ABCA10: variants seen among roughly 807,000 people sequenced by gnomAD.
ABCA10 encodes ATP-binding cassette sub-family A member 10.
A neutral mutation model predicts 187.5 loss-of-function variants in ABCA10; 169 were observed. The observed-to-expected ratio is 0.90, with a 90% CI of 0.80 to 1.02. ABCA10 has a LOEUF of 1.02. Ranked by LOEUF, ABCA10 falls within the 50% of genes least tolerant of loss-of-function variation. ABCA10 has a pLI of 0.00. For missense variants in ABCA10, 1,727 were observed against 1,812.4 expected, an observed-to-expected ratio of 0.95 and a Z score of 0.86; for synonymous variants, 574 against 601.8, an observed-to-expected ratio of 0.95 and a Z score of 0.68.
chr17:69,167,388 T>C (rs573623215), intron 25 of ABCA10, among the ~76,000 whole-genome samples: 7 of 152,200 alleles, frequency 4.6e-5, no homozygotes, highest in Non-Finnish European at 8.8e-5. Context: ...GGAGATGCCA[T>C]TGTTATAGAA....
chr17:69,182,265 T>G lies in ABCA10; in HGVS notation c.2657A>C (p.Asn886Thr), dbSNP rs921330231. The change falls in exon 22 of 39, where the codon AAT becomes ACT. Residue 886 changes from asparagine (N) to threonine (T), a missense_variant. Physicochemically the swap from Asn to Thr is moderately conservative, Grantham distance 65. Transcript: ENST00000690296. ...AGGAAAACAATTCAATTTCTTGGTA[T>G]TACACGCAACAGAAAATCTGTAATC... is the stretch of plus-strand genomic sequence containing the variant. The part of the protein sequence containing the change: ...QKDYRFSVAC[N>T]TKKLNCFPVL... 3.2e-6 allele frequency: 5 copies of G among 1,573,150 alleles called. No individual in the cohort carries two copies. The highest frequency in any genetic ancestry group is 4.3e-6 in the Non-Finnish European group (5 of 1,159,536).
upstream of ABCA10, among the ~76,000 whole-genome samples, chr17:69,232,397 A>G (rs1308131348): frequency 6.6e-6 from 1 of 151,974 alleles, no homozygotes; most frequent in African/African-American, 2.4e-5. Context: ...TATATCTATT[A>G]TAGGTTTTTG....
At position 69,183,320 on chromosome 17, in the gene ABCA10, C is replaced by A. The variant is rs137964829; in HGVS notation, c.2498-512G>T. ...AGTTAACTTGATATTTGCCATTGTG[C>A]CCATTATTTTTCTTGACTTGATTTC... On this transcript the variant is annotated intron_variant, in intron 20 of 38. Coordinates refer to ENST00000690296, the MANE Select transcript of ABCA10 (RefSeq NM_001377321.1). Among the ~76,000 whole-genome samples, 375 of 152,182 alleles carry A rather than the reference C, an allele frequency of 2.5e-3. 3 individuals are homozygous for A. The highest frequency in any genetic ancestry group is 8.7e-3 in the African/African-American group (362 of 41,506).
At chr17:69,201,428 A>G (rs1349728653) in intron 10 of ABCA10, 72 bp downstream of exon 10, 1 of 1,288,112 alleles carries the variant, frequency 7.8e-7, no homozygotes, top group East Asian at 2.5e-5. Context: ...ATCTATATCA[A>G]CATTTGACCT....
intron 1 of ABCA10, among the ~76,000 whole-genome samples, chr17:69,227,507 A>G (rs1441088162): frequency 1.3e-5 from 2 of 151,958 alleles, no homozygotes; most frequent in Admixed American, 6.6e-5. Flanking sequence ...TAAAGGAGAT[A>G]GTATATAAGA....
intron 6 of ABCA10, among the ~76,000 whole-genome samples, chr17:69,216,705 T>A (rs867362505): frequency 2.6e-5 from 4 of 152,102 alleles, no homozygotes; most frequent in Admixed American, 6.5e-5. Context: ...TATACTTTTA[T>A]TCTTTCAGTT....
At chr17:69,159,926 T>C (rs1299921646) in intron 27 of ABCA10, among the ~76,000 whole-genome samples, 1 of 152,068 alleles carries the variant, frequency 6.6e-6, no homozygotes, top group Non-Finnish European at 1.5e-5. Flanking sequence ...CAAATAGTGC[T>C]AAGAAAACTG....
rs564120842 is a variant in ABCA10, at chr17:69,157,544, T to G, written c.3364-621A>C. ...TTTTACACAGACTTGGAGCCCAAAT[T>G]CACATCGCTGGATGGTCAAAACAAA... On this transcript the variant is annotated intron_variant, in intron 27 of 38. Coordinates refer to ENST00000690296, the MANE Select transcript of ABCA10 (RefSeq NM_001377321.1). Among the ~76,000 whole-genome samples, 3 of 152,252 alleles carry G rather than the reference T, an allele frequency of 2.0e-5. No individual in the cohort carries two copies. The East Asian group carries it at 5.8e-4, about 29-fold the overall frequency.
At chr17:69,188,166 C>A (rs2074436273) in intron 18 of ABCA10, among the ~76,000 whole-genome samples, 1 of 152,098 alleles carries the variant, frequency 6.6e-6, no homozygotes, top group Admixed American at 6.6e-5. Flanking sequence ...TTTTGCAGAG[C>A]AAGTTTTATG....
rs1290514256 is a variant in ABCA10, at chr17:69,174,407, A to T, written c.3049-13T>A. 6.4e-7 allele frequency: 1 copy of T among 1,563,380 alleles called. No homozygotes were observed. Among genetic ancestry groups the T allele is most frequent in the Non-Finnish European group, 8.7e-7 (1 of 1,150,194 alleles). On this transcript the variant is annotated splice_polypyrimidine_tract_variant and intron_variant, in intron 24 of 38. Coordinates refer to ENST00000690296, the MANE Select transcript of ABCA10 (RefSeq NM_001377321.1). Reference sequence around the variant, plus strand: ...TTATGCATACCACCTGCAAATAATGAGGATCAATGGCAAGATTAGAAATGG... The same window carrying T: ...TTATGCATACCACCTGCAAATAATGTGGATCAATGGCAAGATTAGAAATGG...
In ABCA10 at chr17:69,211,260, T is replaced by C. The variant is rs542060082; in HGVS notation, c.1006+3444A>G. ...ATGCCATTATTTCATTCCTTTTTAA[T>C]GGCTGAGTAGTATCCTATGGTATAT... On this transcript the variant is annotated intron_variant, in intron 9 of 38. Coordinates refer to ENST00000690296, the MANE Select transcript of ABCA10 (RefSeq NM_001377321.1). 9.0e-4 allele frequency among the ~76,000 whole-genome samples: 132 copies of C among 146,734 alleles called. 1 individual carries two copies. Among genetic ancestry groups the C allele is most frequent in the Non-Finnish European group, 1.7e-3 (111 of 66,932 alleles).
chr17:69,187,419 C>T (rs1568060928), intron 19 of ABCA10, among the ~76,000 whole-genome samples: 1 of 152,116 alleles, frequency 6.6e-6, no homozygotes, highest in Non-Finnish European at 1.5e-5. Context: ...AAAGTCAGCA[C>T]AGGGAGACAG....
chr17:69,154,228 C>T lies in ABCA10; in HGVS notation c.3786+7G>A, dbSNP rs1391007848. The T allele has an allele frequency of 2.5e-6, 4 of 1,599,442 alleles. No homozygotes were observed. The highest frequency in any genetic ancestry group is 3.4e-6 in the Non-Finnish European group (4 of 1,172,586). ...TTAAAATAAAATTTCCTTCACATGT[C>T]ACATACCACTCCTGCAGTTGGCTTT... On this transcript the variant is annotated splice_region_variant and intron_variant, in intron 31 of 38. Transcript: ENST00000690296.
chr17:69,188,563 T>C (rs1174451328), intron 18 of ABCA10, among the ~76,000 whole-genome samples: 1 of 151,412 alleles, frequency 6.6e-6, no homozygotes, highest in Non-Finnish European at 1.5e-5. Context: ...AAACTGTGTG[T>C]CATTTAGGTG....
chr17:69,209,150 T>G (rs1325761740), intron 9 of ABCA10, among the ~76,000 whole-genome samples: 5 of 152,228 alleles, frequency 3.3e-5, no homozygotes, highest in Admixed American at 2.6e-4. Context: ...GATTTCAAGT[T>G]CCATTTTGCC....
chr17:69,225,471 CTG>C lies in ABCA10; in HGVS notation c.-115_-114del, dbSNP rs2074786767. ...AGGTTGTTCAGGAAAACGGGTAGCT[CTG>C]AAGTGTTCCGAAAAGATGCACAAAT... On this transcript the variant is annotated 5_prime_UTR_variant, in exon 3 of 39. An upstream open reading frame in the 5' UTR loses its in-frame stop. Coordinates refer to ENST00000690296, the MANE Select transcript of ABCA10 (RefSeq NM_001377321.1). The C allele has an allele frequency of 7.8e-6, 8 of 1,022,372 alleles. No individual in the cohort carries two copies. Among genetic ancestry groups the C allele is most frequent in the Non-Finnish European group, 1.2e-5 (8 of 679,056 alleles). 63.3% of individuals were successfully genotyped at this position (1,022,372 alleles called of 1,614,324 possible). A position where few individuals can be genotyped will look rare whatever the true frequency, so the allele number is the denominator to read the frequency against.
chr17:69,222,481 G>A, intron 4 of ABCA10, 52 bp downstream of exon 4: 2 of 1,368,776 alleles, frequency 1.5e-6, no homozygotes, highest in Admixed American at 2.6e-5. Context: ...TTCCAAACAG[G>A]GGATTCCATG....
intron 9 of ABCA10, among the ~76,000 whole-genome samples, chr17:69,213,993 G>A (rs1293080763): frequency 2.0e-5 from 3 of 151,978 alleles, no homozygotes; most frequent in African/African-American, 4.8e-5. Context: ...TTTGAGATTC[G>A]GAAGAACAAC....
At position 69,216,014 on chromosome 17, in the gene ABCA10, G is replaced by C; in HGVS notation, c.673-14C>G. 1 of 1,605,890 alleles carries C rather than the reference G, an allele frequency of 6.2e-7. No homozygotes were observed. Among genetic ancestry groups the C allele is most frequent in the Non-Finnish European group, 8.5e-7 (1 of 1,177,824 alleles). On this transcript the variant is annotated splice_polypyrimidine_tract_variant and intron_variant, in intron 7 of 38. Transcript: ENST00000690296. Reference sequence around the variant, plus strand: ...AGCCAATGCTATCTGAAGGAAGAAAGAGGTCTGATTGGTATATTTTTCCTT... The same window carrying C: ...AGCCAATGCTATCTGAAGGAAGAAACAGGTCTGATTGGTATATTTTTCCTT...
Sources: gnomAD v4.1 joint callset for allele counts (sites outside exome capture counted in the v4.1 genomes callset) on GRCh38, gnomAD v4.1.1 for gene constraint, MANE v1.5 for transcripts, NCBI Gene and HGNC (gene_info 2026-07-23, HGNC 2026-07-21) for gene names.